Variants in FMNL2 observed in about 807,000 individuals in gnomAD.
FMNL2 encodes the protein formin like 2, also known as formin-like protein 2.
Under a neutral mutation model 130.2 loss-of-function variants are expected in FMNL2, and 51 were observed. The observed-to-expected ratio is 0.39, with a 90% confidence interval of 0.31 to 0.49. The LOEUF (loss-of-function observed/expected upper bound fraction) is 0.49. Among genes scored for constraint, FMNL2 ranks in the 20% least tolerant of loss-of-function variants. The pLI is 0.85. For synonymous variants in FMNL2, 465 were observed against 467.1 expected (o/e 1.00, Z 0.06); for missense variants, 977 against 1,316.2 (o/e 0.74, Z 3.99).
intron 1 of FMNL2, among the ~76,000 whole-genome samples, chr2:152,375,897 A>ATATATAT (rs1553871972): frequency 3.3e-5 from 4 of 119,874 alleles, no homozygotes; most frequent in East Asian, 2.3e-4. Flanking sequence ...ATATATATAT[A>ATATATAT]ATTATTATTA....
chr2:152,610,880 A>G (rs1698638781), intron 10 of FMNL2, among the ~76,000 whole-genome samples: 1 of 152,090 alleles, frequency 6.6e-6, no homozygotes, highest in South Asian at 2.1e-4. Context: ...TAAAGTGGCC[A>G]CCCTTTTTTA....
intron 1 of FMNL2, among the ~76,000 whole-genome samples, chr2:152,433,262 CACTT>C (rs1687590199): frequency 1.3e-5 from 2 of 152,166 alleles, no homozygotes; most frequent in Non-Finnish European, 2.9e-5. Flanking sequence ...ATTTTATTAG[CACTT>C]ACAATTCACT....
intron 1 of FMNL2, among the ~76,000 whole-genome samples, chr2:152,513,647 A>G (rs1692603264): frequency 6.6e-6 from 1 of 152,214 alleles, no homozygotes; most frequent in Admixed American, 6.5e-5. Context: ...CAAGCCTTCT[A>G]AGAAAATAGA....
At chr2:152,543,375 A>G (rs1694425030) in intron 3 of FMNL2, among the ~76,000 whole-genome samples, 1 of 151,978 alleles carries the variant, frequency 6.6e-6, no homozygotes, top group Non-Finnish European at 1.5e-5. Context: ...GCAGCCACAC[A>G]ATTGGTTTAA....
chr2:152,362,158 A>G (rs1246521950), intron 1 of FMNL2, among the ~76,000 whole-genome samples: 6 of 152,156 alleles, frequency 3.9e-5, no homozygotes, highest in Non-Finnish European at 5.9e-5. Flanking sequence ...GAGTGTTTGC[A>G]AAGTGTTACA....
In FMNL2 at chr2:152,590,980, CTTTTTTTTTTTTTTTTTTTTTTTTTT is replaced by C. The variant is rs1158391663; in HGVS notation, c.876+9950_876+9975del. Reference sequence around the variant, plus strand: ...CAGAGTTAGATTTTCCCTCTGATAACTTTTTTTTTTTTTTTTTTTTTTTTTTTTTTTTTTTTTTTTTTTTGAGACAG... The same window carrying C: ...CAGAGTTAGATTTTCCCTCTGATAACTTTTTTTTTTTTTTTTTTGAGACAG... On this transcript the variant is annotated intron_variant, in intron 9 of 25. Coordinates refer to ENST00000288670, the MANE Select transcript of FMNL2 (RefSeq NM_052905.4). 1.8e-3 allele frequency among the ~76,000 whole-genome samples: 121 copies of C among 65,776 alleles called. 2 individuals carry two copies. In the East Asian group the frequency reaches 0.029, roughly 16 times the overall value. The allele number at this position is 65,776 out of a possible 152,430, so 43.2% of individuals were successfully genotyped here.
intron 1 of FMNL2, among the ~76,000 whole-genome samples, chr2:152,431,290 T>C (rs1464493870): frequency 6.6e-6 from 1 of 152,212 alleles, no homozygotes; most frequent in Non-Finnish European, 1.5e-5. Context: ...ATTATGATAA[T>C]GGTGTGAAAA....
chr2:152,416,407 T>C (rs1686616806), intron 1 of FMNL2, among the ~76,000 whole-genome samples: 1 of 152,226 alleles, frequency 6.6e-6, no homozygotes, highest in South Asian at 2.1e-4. Context: ...ATTTATTTTT[T>C]GTCTTCAGCT....
At chr2:152,605,284 A>T (rs978070293) in intron 9 of FMNL2, among the ~76,000 whole-genome samples, 9 of 151,404 alleles carry the variant, frequency 5.9e-5, no homozygotes. Flanking sequence ...GGGACTGGTC[A>T]TGTGTGTGCG....
intron 1 of FMNL2, among the ~76,000 whole-genome samples, chr2:152,346,459 A>AACAGCAAGATCCTGTGCC (rs1682127462): frequency 6.6e-6 from 1 of 151,886 alleles, no homozygotes; most frequent in East Asian, 2.0e-4. Context: ...CAGCCTGGGC[A>AACAGCAAGATCCTGTGCC]ACAGCAAGAT....
chr2:152,403,320 TGAG>T (rs1006929253), intron 1 of FMNL2, among the ~76,000 whole-genome samples: 1 of 151,992 alleles, frequency 6.6e-6, no homozygotes, highest in Non-Finnish European at 1.5e-5. Flanking sequence ...AGCGTACACT[TGAG>T]GAGTGGGATG....
intron 9 of FMNL2, among the ~76,000 whole-genome samples, chr2:152,584,577 A>G (rs997454533): frequency 6.6e-6 from 1 of 152,236 alleles, no homozygotes; most frequent in African/African-American, 2.4e-5. Flanking sequence ...GTACTAACGC[A>G]ATATGGAACC....
chr2:152,378,289 G>A (rs939078073), intron 1 of FMNL2, among the ~76,000 whole-genome samples: 3 of 152,104 alleles, frequency 2.0e-5, no homozygotes, highest in Admixed American at 6.5e-5. Context: ...TTTGAATTGA[G>A]TTTGCTCTAA....
rs1559043155 is a variant in FMNL2, at chr2:152,649,663, C to CTAT, written c.*1760_*1762dup. 1 of 152,554 alleles carries CTAT rather than the reference C, an allele frequency of 6.6e-6. No homozygotes were observed. Among genetic ancestry groups the CTAT allele is most frequent in the African/African-American group, 2.4e-5 (1 of 41,418 alleles). 9.5% of individuals were successfully genotyped at this position (152,554 alleles called of 1,614,324 possible). The stretch of plus-strand genomic sequence containing the variant: ...CATATATGTATATTAAAATAATTGC[C>CTAT]TATTTATTAATCTACAAATAGACAA... On this transcript the variant is annotated 3_prime_UTR_variant, in exon 26 of 26. Transcript: ENST00000288670.
chr2:152,466,011 C>T (rs1363109972), intron 1 of FMNL2, among the ~76,000 whole-genome samples: 2 of 152,160 alleles, frequency 1.3e-5, no homozygotes, highest in Non-Finnish European at 2.9e-5. Context: ...TGGGAAGAAG[C>T]ACTGGACTAG....
At chr2:152,636,394 G>C (rs904509780) in intron 21 of FMNL2, 33 bp from the exon 22 acceptor site, 2 of 1,589,830 alleles carry the variant, frequency 1.3e-6, no homozygotes, top group Admixed American at 3.5e-5. Flanking sequence ...CTTCCCCATT[G>C]AGTTTCACTG....
At chr2:152,338,852 C>CACACACACACACAT (rs1681638361) in intron 1 of FMNL2, among the ~76,000 whole-genome samples, 2 of 139,980 alleles carry the variant, frequency 1.4e-5, no homozygotes, top group Non-Finnish European at 1.6e-5. Flanking sequence ...CACACACACA[C>CACACACACACACAT]ATATATGCAT....
intron 9 of FMNL2, among the ~76,000 whole-genome samples, chr2:152,581,547 C>T (rs966612311): frequency 6.6e-6 from 1 of 152,196 alleles, no homozygotes; most frequent in African/African-American, 2.4e-5. Context: ...GAAACGGAGA[C>T]TGTCTGACCA....
In FMNL2 at chr2:152,498,153, A is replaced by G. The variant is rs73968039; in HGVS notation, c.118-23790A>G. ...TGAAGTCATGTCATACTCATAACCT[A>G]TCTACAGTTAGGAGGAGATGATAAT... On this transcript the variant is annotated intron_variant, in intron 1 of 25. Coordinates refer to ENST00000288670, the MANE Select transcript of FMNL2 (RefSeq NM_052905.4). 4.7e-3 allele frequency among the ~76,000 whole-genome samples: 712 copies of G among 152,300 alleles called. 6 individuals are homozygous for G. The highest frequency in any genetic ancestry group is 0.016 in the African/African-American group (680 of 41,556).
Sources: allele counts gnomAD v4.1 joint callset (sites outside exome capture counted in the v4.1 genomes callset), GRCh38; gene constraint gnomAD v4.1.1; transcripts MANE v1.5; gene names NCBI Gene and HGNC (gene_info 2026-07-23, HGNC 2026-07-21).